The following RRAS variants were observed in gnomAD, a reference collection of about 807,000 sequenced individuals.
RRAS encodes ras-related protein R-Ras.
In RRAS, 18 loss-of-function variants were observed where a neutral mutation model predicts 23.3. The ratio of observed to expected loss-of-function variants is 0.77; its 90% confidence interval spans 0.53 to 1.15. RRAS has a LOEUF of 1.15. Among genes scored for constraint, RRAS ranks in the 50% most tolerant of loss-of-function variants. The pLI is 0.00. For synonymous variants in RRAS, 133 were observed against 138.3 expected, an observed-to-expected ratio of 0.96 and a Z score of 0.27; for missense variants, 291 against 317.1, an observed-to-expected ratio of 0.92 and a Z score of 0.62.
chr19:49,637,300 T>TC lies in RRAS; in HGVS notation c.154-171dup, dbSNP rs1299739188. Among the ~76,000 whole-genome samples, 249 of 88,170 alleles carry TC rather than the reference T, an allele frequency of 2.8e-3. 7 individuals are homozygous for TC. Among genetic ancestry groups the TC allele is most frequent in the African/African-American group, 0.011 (235 of 20,656 alleles). The allele number at this position is 88,170 out of a possible 152,430, so 57.8% of individuals were successfully genotyped here. A position where few individuals can be genotyped will look rare whatever the true frequency, so the allele number is the denominator to read the frequency against. On this transcript the variant is annotated intron_variant, in intron 1 of 5. Coordinates refer to ENST00000246792, the MANE Select transcript of RRAS (RefSeq NM_006270.5). ...TCTCTGTCCCGTCTGTCTCTCTGAG[T>TC]CTTTTTTTTTTTTTTTTTTTTTTGA...
In RRAS at chr19:49,636,582, C is replaced by G. The variant is rs368194123; in HGVS notation, c.453+37G>C. 2.2e-4 allele frequency: 328 copies of G among 1,481,980 alleles called. No homozygotes were observed. Among genetic ancestry groups the G allele is most frequent in the Non-Finnish European group, 2.8e-4 (296 of 1,059,814 alleles). The allele number at this position is 1,481,980 out of a possible 1,614,324, so 91.8% of individuals were successfully genotyped here. On this transcript the variant is annotated intron_variant, in intron 4 of 5. Transcript: ENST00000246792. This position sits in a 1 kb window ranked among gnomAD's most constrained non-coding sequence, Gnocchi z 4.5. ...GGTGTGCTGGAAGGAGCCTCCCAGA[C>G]TGAGATGGGGTCCCCAGAAAGAGGG...
rs1331975394 is a variant in RRAS at position 49,637,075 on chromosome 19, C to T, written c.209G>A (p.Cys70Tyr). 33 of 1,613,610 alleles carry T rather than the reference C, an allele frequency of 2.0e-5. No homozygotes were observed. The highest frequency in any genetic ancestry group is 2.8e-5 in the Non-Finnish European group (33 of 1,179,986). The change falls in exon 2 of 6, where the codon TGC becomes TAC. Residue 70 changes from cysteine (C) to tyrosine (Y), a missense_variant. By Grantham distance (194) the Cys-to-Tyr change is radical. Transcript: ENST00000246792. ...CCGGGCTGGGATGCCATCCACACTG[C>T]AGATCTTCGTGTAGGAGTCCTCAAT... Reference protein sequence around the residue: ...PTIEDSYTKICSVDGIPARLD... With the variant: ...PTIEDSYTKIYSVDGIPARLD...
rs758529731 is a variant in RRAS, at chr19:49,635,564, C to A, written c.*12G>T. 7.0e-6 allele frequency: 10 copies of A among 1,419,452 alleles called. No individual in the cohort carries two copies. In the South Asian group the frequency reaches 1.5e-4, roughly 22 times the overall value. 87.9% of individuals were successfully genotyped at this position (1,419,452 alleles called of 1,614,324 possible). On this transcript the variant is annotated 3_prime_UTR_variant, in exon 6 of 6. Transcript: ENST00000246792. ...CCGAGAGCTTGTGGTGGTTGCTTCT[C>A]TCTTGCCTGGGCTACAGGAGGACGC...
intron 1 of RRAS, among the ~76,000 whole-genome samples, chr19:49,639,208 T>C (rs1272732316): frequency 6.6e-6 from 1 of 151,916 alleles, no homozygotes; most frequent in Non-Finnish European, 1.5e-5. Flanking sequence ...GGCAGGCCGA[T>C]CACGAGGTCA....
chr19:49,639,230 C>T lies in RRAS; in HGVS notation c.153+716G>A, dbSNP rs114866844. 6.7e-3 allele frequency among the ~76,000 whole-genome samples: 1,011 copies of T among 151,982 alleles called. 16 individuals carry two copies. Among genetic ancestry groups the T allele is most frequent in the African/African-American group, 0.023 (951 of 41,420 alleles). On this transcript the variant is annotated intron_variant, in intron 1 of 5. Transcript: ENST00000246792. Reference sequence around the variant, plus strand: ...CGATCACGAGGTCAGGAGTTCGAGACCAGTCCAATATGGTGAAACCCCGTC... The same window carrying T: ...CGATCACGAGGTCAGGAGTTCGAGATCAGTCCAATATGGTGAAACCCCGTC...
At position 49,640,116 on chromosome 19, in the gene RRAS, T is replaced by C. The variant is rs1186005069; in HGVS notation, c.-18A>G. The C allele has an allele frequency of 1.5e-5, 21 of 1,368,578 alleles. No individual in the cohort carries two copies. Among genetic ancestry groups the C allele is most frequent in the East Asian group, 3.0e-5 (1 of 32,816 alleles). The allele number at this position is 1,368,578 out of a possible 1,614,324, so 84.8% of individuals were successfully genotyped here. ...CTGCTCATGTCGCCACCGCTGCTGC[T>C]GCCTTCGCTACCGCCTGCGGGGGAG... On this transcript the variant is annotated 5_prime_UTR_variant, in exon 1 of 6. Coordinates refer to ENST00000246792, the MANE Select transcript of RRAS (RefSeq NM_006270.5).
chr19:49,638,565 G>C (rs973443961), intron 1 of RRAS, among the ~76,000 whole-genome samples: 3 of 152,084 alleles, frequency 2.0e-5, no homozygotes, highest in Non-Finnish European at 4.4e-5. Context: ...TTGGTGAGGG[G>C]CTTGTCCTGG....
Position 49,639,997 on chromosome 19 carries a change from G to T in RRAS, c.102C>A (p.Val34=). 6.3e-7 allele frequency: 1 copy of T among 1,586,060 alleles called. No homozygotes were observed. The highest frequency in any genetic ancestry group is 1.7e-5 in the Admixed American group (1 of 58,612). The part of the protein sequence containing the change: ...PPPSETHKLV[V]VGGGGVGKSA... ...TCTTGCCCACGCCGCCGCCGCCCAC[G>T]ACCACCAGCTTGTGTGTCTCGCTGG... is the stretch of plus-strand genomic sequence containing the variant. The change falls in exon 1 of 6, where the codon GTC becomes GTA. Residue 34 remains valine (V), a synonymous_variant. Coordinates refer to ENST00000246792, the MANE Select transcript of RRAS (RefSeq NM_006270.5).
chr19:49,639,258 T>C (rs2081010884), intron 1 of RRAS, among the ~76,000 whole-genome samples: 1 of 151,906 alleles, frequency 6.6e-6, no homozygotes. Flanking sequence ...ACCCCGTCTC[T>C]ACTAAAAAAT....
In RRAS at chr19:49,636,457, G is replaced by A. The variant is rs567953427; in HGVS notation, c.453+162C>T. ...AGGCCCTCTGCTCGGTGATGCCGGG[G>A]ACCCTGAAGGTCCAGTTTGGGGGTA... On this transcript the variant is annotated intron_variant, in intron 4 of 5. Transcript: ENST00000246792. This position sits in a 1 kb window ranked among gnomAD's most constrained non-coding sequence, Gnocchi z 4.5. 1.3e-5 allele frequency among the ~76,000 whole-genome samples: 2 copies of A among 152,258 alleles called. No homozygotes were observed. Among genetic ancestry groups the A allele is most frequent in the Admixed American group, 6.5e-5 (1 of 15,298 alleles).
rs537601977 is a variant in RRAS, at chr19:49,637,117, G to C, written c.167C>G (p.Ser56Cys). Residue 56 changes from serine to cysteine, a missense_variant, in exon 2 of 6, where the codon TCT becomes TGT. Physicochemically the swap from Ser to Cys is moderately radical, Grantham distance 112. Coordinates refer to ENST00000246792, the MANE Select transcript of RRAS (RefSeq NM_006270.5). ...TIQFIQSYFV[S>C]DYDPTIEDSY... ...GTCCTCAATAGTGGGGTCGTAGTCA[G>C]ACACGAAGTAGGACTGGCGGGGTGG... is the stretch of plus-strand genomic sequence containing the variant. The C allele has an allele frequency of 2.5e-6, 4 of 1,612,906 alleles. No homozygotes were observed. The East Asian group carries it at 6.7e-5, about 27-fold the overall frequency.
At chr19:49,635,888 T>A in intron 4 of RRAS, 36 bp from the exon 5 acceptor site, 1 of 1,139,386 alleles carries the variant, frequency 8.8e-7, no homozygotes, top group Non-Finnish European at 1.3e-6. Flanking sequence ...GTCAGGTCCC[T>A]GCACTCAGGG....
Position 49,637,301 on chromosome 19 carries a change from C to CTTTTTTTTTTTTTTTTTTTTTTTTTT in RRAS, c.154-172_154-171insAAAAAAAAAAAAAAAAAAAAAAAAAA, listed in dbSNP as rs11400258. 3.8e-5 allele frequency among the ~76,000 whole-genome samples: 4 copies of CTTTTTTTTTTTTTTTTTTTTTTTTTT among 104,114 alleles called. 2 individuals are homozygous for CTTTTTTTTTTTTTTTTTTTTTTTTTT. The highest frequency in any genetic ancestry group is 7.4e-5 in the African/African-American group (2 of 27,008). 68.3% of individuals were successfully genotyped at this position (104,114 alleles called of 152,430 possible). A position where few individuals can be genotyped will look rare whatever the true frequency, so the allele number is the denominator to read the frequency against. On this transcript the variant is annotated intron_variant, in intron 1 of 5. Coordinates refer to ENST00000246792, the MANE Select transcript of RRAS (RefSeq NM_006270.5). ...CTCTGTCCCGTCTGTCTCTCTGAGT[C>CTTTTTTTTTTTTTTTTTTTTTTTTTT]TTTTTTTTTTTTTTTTTTTTTTGAG...
At position 49,640,125 on chromosome 19, in the gene RRAS, T is replaced by A. The variant is rs2081016234; in HGVS notation, c.-27A>T. On this transcript the variant is annotated 5_prime_UTR_variant, in exon 1 of 6. Transcript: ENST00000246792. ...TCGCCACCGCTGCTGCTGCCTTCGC[T>A]ACCGCCTGCGGGGGAGCCGGGCGGG... is the stretch of plus-strand genomic sequence containing the variant. 3 of 1,362,448 alleles carry A rather than the reference T, an allele frequency of 2.2e-6. No individual in the cohort carries two copies. Among genetic ancestry groups the A allele is most frequent in the South Asian group, 1.8e-5 (1 of 56,358 alleles). The allele number at this position is 1,362,448 out of a possible 1,614,324, so 84.4% of individuals were successfully genotyped here.
In RRAS at chr19:49,636,515, T is replaced by G. The variant is rs1599813574; in HGVS notation, c.453+104A>C. The stretch of plus-strand genomic sequence containing the variant: ...TAGGTGAGCTGTGTGACAGTGGCAG[T>G]CGCAGCACTGCAGGAACAGAGGAGG... On this transcript the variant is annotated intron_variant, in intron 4 of 5. Transcript: ENST00000246792. The surrounding 1 kb of genome is among the most constrained non-coding windows in gnomAD (Gnocchi z 4.5). 2 of 854,148 alleles carry G rather than the reference T, an allele frequency of 2.3e-6. No homozygotes were observed. The allele number at this position is 854,148 out of a possible 1,614,324, so 52.9% of individuals were successfully genotyped here.
Position 49,636,585 on chromosome 19 carries a change from A to G in RRAS, c.453+34T>C, listed in dbSNP as rs745598358. On this transcript the variant is annotated intron_variant, in intron 4 of 5. Coordinates refer to ENST00000246792, the MANE Select transcript of RRAS (RefSeq NM_006270.5). This position sits in a 1 kb window ranked among gnomAD's most constrained non-coding sequence, Gnocchi z 4.5. ...GTGCTGGAAGGAGCCTCCCAGACTGAGATGGGGTCCCCAGAAAGAGGGGTG... is the reference window on the plus strand; with the variant it reads ...GTGCTGGAAGGAGCCTCCCAGACTGGGATGGGGTCCCCAGAAAGAGGGGTG... 2 of 1,500,364 alleles carry G rather than the reference A, an allele frequency of 1.3e-6. No individual in the cohort carries two copies. The highest frequency in any genetic ancestry group is 2.3e-5 in the South Asian group (2 of 88,852). The allele number at this position is 1,500,364 out of a possible 1,614,324, so 92.9% of individuals were successfully genotyped here.
chr19:49,638,451 T>A (rs1245017179), intron 1 of RRAS, among the ~76,000 whole-genome samples: 1 of 152,036 alleles, frequency 6.6e-6, no homozygotes, highest in Non-Finnish European at 1.5e-5. Context: ...AGGACCTCCC[T>A]CAGGAATGGG....
In RRAS at chr19:49,635,582, G is replaced by A; in HGVS notation, c.651C>T (p.Leu217=). 1.4e-6 allele frequency: 2 copies of A among 1,442,958 alleles called. No individual in the cohort carries two copies. Among genetic ancestry groups the A allele is most frequent in the South Asian group, 1.6e-5 (1 of 63,340 alleles). The allele number at this position is 1,442,958 out of a possible 1,614,324, so 89.4% of individuals were successfully genotyped here. Residue 217 remains leucine, a synonymous_variant, in exon 6 of 6, where the codon CTC becomes CTT. Coordinates refer to ENST00000246792, the MANE Select transcript of RRAS (RefSeq NM_006270.5). ...TGCTTCTCTCTTGCCTGGGCTACAG[G>A]AGGACGCAGGGGCAGCCCCCGCCCT... The part of the protein sequence containing the change: ...RKKGGGCPCV[L]L
chr19:49,636,661 A>G lies in RRAS; in HGVS notation c.411T>C (p.Val137=). 1 of 1,614,102 alleles carries G rather than the reference A, an allele frequency of 6.2e-7. No individual in the cohort carries two copies. Among genetic ancestry groups the G allele is most frequent in the Non-Finnish European group, 8.5e-7 (1 of 1,179,980 alleles). ...GATCTGCCTTGTTCCCGACCAACAC[A>G]ACGGGGAAGTCGTCGCGGTCCTTGA... The part of the protein sequence containing the change: ...LRVKDRDDFP[V]VLVGNKADLE... The change falls in exon 4 of 6, where the codon GTT becomes GTC. Residue 137 remains valine, a synonymous_variant. Transcript: ENST00000246792. This position sits in a 1 kb window ranked among gnomAD's most constrained non-coding sequence, Gnocchi z 4.5.
Sources: gnomAD v4.1 joint callset for allele counts (sites outside exome capture counted in the v4.1 genomes callset) on GRCh38, gnomAD v4.1.1 for gene constraint, Gnocchi (gnomAD v3.1) non-coding constraint, MANE v1.5 for transcripts, NCBI Gene and HGNC (gene_info 2026-07-23, HGNC 2026-07-21) for gene names.